Variants in AKAIN1 observed in about 807,000 individuals in gnomAD.
AKAIN1 encodes A-kinase anchor inhibitor 1, also known as A-kinase anchor protein inhibitor 1.
A neutral mutation model predicts 3.7 loss-of-function variants in AKAIN1; 3 were observed. The ratio of observed to expected loss-of-function variants is 0.82; its 90% CI spans 0.37 to 2.12. The LOEUF (loss-of-function observed/expected upper bound fraction) is 2.12. Among genes scored for constraint, AKAIN1 ranks in the 30% most tolerant of loss-of-function variants. AKAIN1 has a pLI of 0.06. For missense variants in AKAIN1, 82 were observed against 82.7 expected (o/e 0.99, Z 0.03); for synonymous variants, 31 against 30.8 (o/e 1.01, Z -0.02).
Position 5,179,533 on chromosome 18 carries a change from T to C in AKAIN1, c.16+17505A>G, listed in dbSNP as rs188955441. On this transcript the variant is annotated intron_variant, in intron 1 of 1. Coordinates refer to ENST00000434239, the MANE Select transcript of AKAIN1 (RefSeq NM_001145194.2). ...TTTGCTATTGTGAATAGTGCTGCAA[T>C]AAACATATGAATGCAGGTATCTTTT... Among the ~76,000 whole-genome samples, 44 of 152,270 alleles carry C rather than the reference T, an allele frequency of 2.9e-4. No individual in the cohort carries two copies. The East Asian group carries it at 7.5e-3, about 26-fold the overall frequency.
chr18:5,156,788 T>C (rs2071110969), intron 1 of AKAIN1, among the ~76,000 whole-genome samples: 1 of 152,186 alleles, frequency 6.6e-6, no homozygotes, highest in African/African-American at 2.4e-5. Context: ...GGGGTCTTTC[T>C]TGCTCTCACA....
Position 5,197,226 on chromosome 18 carries a change from C to T in AKAIN1, c.-173G>A. ...GCCGCTAGATCCTGGGGCCGCAGCT[C>T]CAGCCGCCGCCGCGCGCTCTGCCTC... On this transcript the variant is annotated 5_prime_UTR_variant, in exon 1 of 2. Coordinates refer to ENST00000434239, the MANE Select transcript of AKAIN1 (RefSeq NM_001145194.2). This position sits in a 1 kb window ranked among gnomAD's most constrained non-coding sequence, Gnocchi z 6.9. 1 of 1,387,272 alleles carries T rather than the reference C, an allele frequency of 7.2e-7. No individual in the cohort carries two copies. Among genetic ancestry groups the T allele is most frequent in the Non-Finnish European group, 9.2e-7 (1 of 1,081,766 alleles). 85.9% of individuals were successfully genotyped at this position (1,387,272 alleles called of 1,614,324 possible).
chr18:5,194,047 T>C (rs930118735), intron 1 of AKAIN1, among the ~76,000 whole-genome samples: 3 of 152,162 alleles, frequency 2.0e-5, no homozygotes, highest in African/African-American at 7.2e-5. Context: ...TTTTAGTCTT[T>C]AGCCTAAGTC....
intron 1 of AKAIN1, among the ~76,000 whole-genome samples, chr18:5,184,292 T>C (rs191639557): frequency 6.3e-4 from 95 of 151,994 alleles, no homozygotes; most frequent in Non-Finnish European, 2.5e-4. Context: ...ATTCAAACAC[T>C]AACCAAAAGA....
At chr18:5,186,403 A>G (rs533223075) in intron 1 of AKAIN1, among the ~76,000 whole-genome samples, 2 of 152,266 alleles carry the variant, frequency 1.3e-5, no homozygotes, top group African/African-American at 4.8e-5. Flanking sequence ...TGGATTTATT[A>G]TCAGTCTAAA....
chr18:5,181,051 G>A (rs1432172909), intron 1 of AKAIN1, among the ~76,000 whole-genome samples: 1 of 151,866 alleles, frequency 6.6e-6, no homozygotes, highest in Non-Finnish European at 1.5e-5. Flanking sequence ...AATTTGGGAA[G>A]GTGAGATGGA....
intron 1 of AKAIN1, among the ~76,000 whole-genome samples, chr18:5,157,486 C>G (rs1194782618): frequency 1.3e-5 from 2 of 152,156 alleles, no homozygotes; most frequent in East Asian, 3.9e-4. Context: ...GGAAAGAAAG[C>G]TCAACCTCTC....
At chr18:5,175,201 A>G (rs373000308) in intron 1 of AKAIN1, among the ~76,000 whole-genome samples, 9 of 152,084 alleles carry the variant, frequency 5.9e-5, no homozygotes, top group African/African-American at 2.2e-4. Flanking sequence ...TTGCCTCCCC[A>G]TTTGTATACT....
intron 1 of AKAIN1, among the ~76,000 whole-genome samples, chr18:5,193,395 T>C (rs571164552): frequency 6.6e-6 from 1 of 152,278 alleles, no homozygotes; most frequent in African/African-American, 2.4e-5. Flanking sequence ...GATAGACTAA[T>C]CCCTGAATTA....
intron 1 of AKAIN1, among the ~76,000 whole-genome samples, chr18:5,191,912 C>T (rs1006584310): frequency 2.6e-5 from 4 of 152,160 alleles, no homozygotes; most frequent in Non-Finnish European, 4.4e-5. Context: ...ATAGCCTATA[C>T]GCATATATTT....
Position 5,197,078 on chromosome 18 carries a change from C to G in AKAIN1, c.-25G>C, listed in dbSNP as rs771352396. ...TGATTTCTTCCAGCCGCTACGCCCC[C>G]AGATTAAGAGAGAAAGACAGGCAGA... On this transcript the variant is annotated 5_prime_UTR_variant, in exon 1 of 2. Coordinates refer to ENST00000434239, the MANE Select transcript of AKAIN1 (RefSeq NM_001145194.2). The surrounding 1 kb of genome is among the most constrained non-coding windows in gnomAD (Gnocchi z 6.9). 2.6e-6 allele frequency: 4 copies of G among 1,551,570 alleles called. No individual in the cohort carries two copies. Among genetic ancestry groups the G allele is most frequent in the South Asian group, 1.2e-5 (1 of 84,052 alleles).
chr18:5,175,914 G>A (rs887732579), intron 1 of AKAIN1, among the ~76,000 whole-genome samples: 4 of 152,106 alleles, frequency 2.6e-5, no homozygotes, highest in African/African-American at 4.8e-5. Flanking sequence ...TTAGATTTTA[G>A]TGCATTTAAT....
chr18:5,174,986 AG>A (rs1178603534), intron 1 of AKAIN1, among the ~76,000 whole-genome samples: 1 of 152,168 alleles, frequency 6.6e-6, no homozygotes, highest in Non-Finnish European at 1.5e-5. Flanking sequence ...ACCAGTAGCC[AG>A]GGCCAGCTTC....
upstream of AKAIN1, chr18:5,197,335 G>A (rs961822107): frequency 1.5e-6 from 2 of 1,297,724 alleles, no homozygotes; most frequent in African/African-American, 3.1e-5. This position sits in a 1 kb window ranked among gnomAD's most constrained non-coding sequence, Gnocchi z 6.9. Flanking sequence ...GCTCGGCGAC[G>A]TACACTGCTG....
intron 1 of AKAIN1, among the ~76,000 whole-genome samples, chr18:5,178,488 G>A (rs990318678): frequency 2.0e-5 from 3 of 152,106 alleles, no homozygotes; most frequent in Non-Finnish European, 4.4e-5. Context: ...TGAGGGGAAA[G>A]GCCCCTATAT....
chr18:5,152,832 C>T (rs765111736), intron 1 of AKAIN1, among the ~76,000 whole-genome samples: 5 of 152,118 alleles, frequency 3.3e-5, no homozygotes, highest in African/African-American at 9.7e-5. Context: ...GGCTAGTGCC[C>T]ACCAGGGAGG....
intron 1 of AKAIN1, among the ~76,000 whole-genome samples, chr18:5,158,869 G>A (rs1198631781): frequency 1.3e-5 from 2 of 152,056 alleles, no homozygotes; most frequent in Non-Finnish European, 2.9e-5. Flanking sequence ...AACAAGCCTT[G>A]GTTTTCTTAC....
chr18:5,168,021 A>G (rs1380613415), intron 1 of AKAIN1, among the ~76,000 whole-genome samples: 1 of 152,084 alleles, frequency 6.6e-6, no homozygotes, highest in Non-Finnish European at 1.5e-5. Flanking sequence ...TGGCTGTGGA[A>G]GAAACCACCA....
At chr18:5,192,385 TTTTCTTTCTTTC>T (rs34194118) in intron 1 of AKAIN1, among the ~76,000 whole-genome samples, 25 of 107,074 alleles carry the variant, frequency 2.3e-4, no homozygotes, top group African/African-American at 7.8e-4. Flanking sequence ...ACAGAGCTAA[TTTTCTTTCTTTC>T]TTTCTTTCTT....
Sources: allele counts gnomAD v4.1 joint callset (sites outside exome capture counted in the v4.1 genomes callset), GRCh38; gene constraint gnomAD v4.1.1; non-coding constraint Gnocchi (gnomAD v3.1); transcripts MANE v1.5; gene names NCBI Gene and HGNC (gene_info 2026-07-23, HGNC 2026-07-21).